SRFBP1: variants seen among roughly 807,000 people sequenced by gnomAD.
The protein encoded by SRFBP1 is serum response factor-binding protein 1.
Under a neutral mutation model 45.5 loss-of-function variants are expected in SRFBP1, and 47 were observed. The observed-to-expected ratio is 1.03, with a 90% CI of 0.82 to 1.32. The LOEUF (loss-of-function observed/expected upper bound fraction) is 1.32, where lower values mean the gene tolerates loss of function less well. Among genes scored for constraint, SRFBP1 ranks in the 40% most tolerant of loss-of-function variants. The probability of loss-of-function intolerance (pLI) is 0.00; values close to 1 mark genes in which losing one functional copy is unlikely to be tolerated. For missense variants in SRFBP1, 621 were observed against 484.6 expected (o/e 1.28, Z -2.64); for synonymous variants, 203 against 166.3 (o/e 1.22, Z -1.70).
At chr5:121,969,907 A>G (rs1752152039) in intron 1 of SRFBP1, among the ~76,000 whole-genome samples, 1 of 152,012 alleles carries the variant, frequency 6.6e-6, no homozygotes, top group Non-Finnish European at 1.5e-5. Context: ...CTGTGCTCAC[A>G]CTATTCCTCT....
intron 4 of SRFBP1, among the ~76,000 whole-genome samples, chr5:122,013,675 T>TA (rs1753139815): frequency 6.6e-6 from 1 of 152,078 alleles, no homozygotes; most frequent in Non-Finnish European, 1.5e-5. Flanking sequence ...ACATAATGAA[T>TA]AAAAAATAAC....
At chr5:121,984,737 C>T (rs764990235) in intron 3 of SRFBP1, among the ~76,000 whole-genome samples, 7 of 151,714 alleles carry the variant, frequency 4.6e-5, no homozygotes, top group Non-Finnish European at 1.0e-4. Context: ...CCATTGCCTT[C>T]AACACGATTT....
chr5:122,015,279 C>T (rs1375997410), intron 4 of SRFBP1, among the ~76,000 whole-genome samples: 1 of 152,172 alleles, frequency 6.6e-6, no homozygotes, highest in Non-Finnish European at 1.5e-5. Flanking sequence ...GACAGAATCT[C>T]AAATTGTGTT....
At chr5:122,069,201 G>A (rs1754385291) in intron 2 of SRFBP1, among the ~76,000 whole-genome samples, 1 of 152,074 alleles carries the variant, frequency 6.6e-6, no homozygotes, top group African/African-American at 2.4e-5. Flanking sequence ...GTATAGCTCT[G>A]CTATACCTGT....
At chr5:121,980,056 C>CA (rs1752377961) in intron 3 of SRFBP1, among the ~76,000 whole-genome samples, 1 of 152,166 alleles carries the variant, frequency 6.6e-6, no homozygotes, top group African/African-American at 2.4e-5. Context: ...TAAACAGCAT[C>CA]ACCTCCCTTT....
chr5:122,045,894 T>A (rs1215616006), intron 2 of SRFBP1, among the ~76,000 whole-genome samples: 1 of 152,184 alleles, frequency 6.6e-6, no homozygotes, highest in Non-Finnish European at 1.5e-5. Flanking sequence ...AATACTATGT[T>A]GAATAGGAGT....
chr5:122,005,398 C>T (rs750994988), intron 4 of SRFBP1, among the ~76,000 whole-genome samples: 5 of 152,064 alleles, frequency 3.3e-5, no homozygotes, highest in Non-Finnish European at 2.9e-5. Flanking sequence ...TATATAGTGA[C>T]TCTGGTCTCA....
chr5:122,019,583 T>G (rs1472109361), intron 5 of SRFBP1, among the ~76,000 whole-genome samples: 1 of 151,032 alleles, frequency 6.6e-6, no homozygotes, highest in Admixed American at 6.6e-5. Flanking sequence ...TTTTTATATA[T>G]AATATATACA....
At chr5:122,041,318 G>A (rs1193689021) in intron 2 of SRFBP1, among the ~76,000 whole-genome samples, 1 of 152,106 alleles carries the variant, frequency 6.6e-6, no homozygotes, top group Non-Finnish European at 1.5e-5. Context: ...GGCAGCATTT[G>A]GGGCCCATTT....
intron 7 of SRFBP1, among the ~76,000 whole-genome samples, chr5:122,025,856 T>C (rs1753469192): frequency 6.6e-6 from 1 of 152,136 alleles, no homozygotes; most frequent in Admixed American, 6.5e-5. Context: ...ATCCCAGCAC[T>C]TTGGGAGGCT....
chr5:121,997,458 C>A (rs1025478691), intron 4 of SRFBP1, among the ~76,000 whole-genome samples: 4 of 151,716 alleles, frequency 2.6e-5, no homozygotes, highest in South Asian at 2.1e-4. Context: ...AACTGGCTAG[C>A]CATATGTAGA....
chr5:122,029,054 T>G (rs958037663), downstream of SRFBP1, among the ~76,000 whole-genome samples: 1 of 152,170 alleles, frequency 6.6e-6, no homozygotes, highest in Non-Finnish European at 1.5e-5. Flanking sequence ...AGGGCATTGG[T>G]TCTCGACTTG....
chr5:121,997,547 A>G lies in SRFBP1; in HGVS notation c.270+2877A>G, dbSNP rs922137658. On this transcript the variant is annotated intron_variant, in intron 4 of 7. Transcript: ENST00000339397. ...GATTAAAGATTTAAACGTTAGACCT[A>G]AAACCATAAAAACCCTAGAAGAAAA... is the stretch of plus-strand genomic sequence containing the variant. 5.9e-3 allele frequency among the ~76,000 whole-genome samples: 900 copies of G among 151,680 alleles called. 8 individuals carry two copies. The highest frequency in any genetic ancestry group is 6.3e-3 in the Non-Finnish European group (425 of 67,652).
At chr5:121,974,551 A>T (rs538585673) in intron 2 of SRFBP1, among the ~76,000 whole-genome samples, 50 of 151,966 alleles carry the variant, frequency 3.3e-4, no homozygotes, top group Non-Finnish European at 5.6e-4. Flanking sequence ...TTAGAATGAA[A>T]TTCCCTTGGG....
At chr5:121,966,653 A>C (rs1752075431) in intron 1 of SRFBP1, among the ~76,000 whole-genome samples, 1 of 152,256 alleles carries the variant, frequency 6.6e-6, no homozygotes, top group South Asian at 2.1e-4. Context: ...GTTTTCTAAA[A>C]TTTAGGCAGC....
intron 2 of SRFBP1, among the ~76,000 whole-genome samples, chr5:122,053,807 C>T (rs550968920): frequency 6.6e-6 from 1 of 152,104 alleles, no homozygotes; most frequent in Non-Finnish European, 1.5e-5. Context: ...AAGCATTGTC[C>T]TCCTGGCTAT....
At chr5:122,043,835 C>CA (rs1300385164) in intron 2 of SRFBP1, among the ~76,000 whole-genome samples, 1 of 152,050 alleles carries the variant, frequency 6.6e-6, no homozygotes, top group Non-Finnish European at 1.5e-5. Context: ...AATATGGAAA[C>CA]AAATTATTCA....
At chr5:122,018,054 T>C (rs1401127939) in intron 4 of SRFBP1, among the ~76,000 whole-genome samples, 1 of 152,156 alleles carries the variant, frequency 6.6e-6, no homozygotes, top group African/African-American at 2.4e-5. Context: ...GTTGTGCTAG[T>C]TGAGATGACA....
intron 3 of SRFBP1, among the ~76,000 whole-genome samples, chr5:121,980,929 G>A (rs963305497): frequency 6.6e-6 from 1 of 152,036 alleles, no homozygotes; most frequent in Non-Finnish European, 1.5e-5. Flanking sequence ...ATTCTTTCAG[G>A]GGTAGCTCTG....
Sources: allele counts gnomAD v4.1 joint callset (sites outside exome capture counted in the v4.1 genomes callset), GRCh38; gene constraint gnomAD v4.1.1; transcripts MANE v1.5; gene names NCBI Gene and HGNC (gene_info 2026-07-23, HGNC 2026-07-21).